EDARADD: variants seen among roughly 807,000 people sequenced by gnomAD.
EDARADD encodes ectodysplasin-A receptor-associated adapter protein.
In EDARADD, 20 loss-of-function variants were observed where a neutral mutation model predicts 25.6. The observed-to-expected ratio is 0.78, with a 90% CI of 0.55 to 1.14. EDARADD has a LOEUF of 1.14. Ranked by LOEUF, EDARADD falls within the 50% of genes most tolerant of loss-of-function variation. EDARADD has a pLI of 0.00. For missense variants in EDARADD, 225 were observed against 270.1 expected (o/e 0.83, Z 1.17); for synonymous variants, 86 against 94.4 (o/e 0.91, Z 0.52).
chr1:236,351,874 C>A (rs1204836929), intron 3 of EDARADD, among the ~76,000 whole-genome samples: 2 of 151,792 alleles, frequency 1.3e-5, no homozygotes, highest in Non-Finnish European at 2.9e-5. Context: ...AATCAAGGGG[C>A]TGAATATTCA....
chr1:236,429,029 G>C (rs187087613), intron 4 of EDARADD, among the ~76,000 whole-genome samples: 2 of 152,064 alleles, frequency 1.3e-5, no homozygotes, highest in South Asian at 2.1e-4. Flanking sequence ...CCAGGCACTC[G>C]GCAGGCTGAG....
intron 3 of EDARADD, among the ~76,000 whole-genome samples, chr1:236,386,933 C>G (rs1667362096): frequency 1.4e-5 from 1 of 71,820 alleles, no homozygotes; most frequent in Non-Finnish European, 3.1e-5. Flanking sequence ...GGGGGTCAGC[C>G]CCCCGCCCGG....
chr1:236,397,942 A>G (rs1194509897), intron 1 of EDARADD, among the ~76,000 whole-genome samples: 1 of 152,082 alleles, frequency 6.6e-6, no homozygotes, highest in Non-Finnish European at 1.5e-5. Flanking sequence ...GAAACCATAG[A>G]TGGTGCCCAT....
upstream of EDARADD, among the ~76,000 whole-genome samples, chr1:236,390,961 T>TATTATTATTATTA (rs3050726): frequency 3.3e-5 from 5 of 151,378 alleles, no homozygotes; most frequent in Admixed American, 6.6e-5. Context: ...TTATTATTAT[T>TATTATTATTATTA]TTTTGAGATG....
At chr1:236,437,418 C>T (rs929922251) in intron 4 of EDARADD, among the ~76,000 whole-genome samples, 5 of 151,966 alleles carry the variant, frequency 3.3e-5, no homozygotes, top group East Asian at 1.9e-4. Flanking sequence ...AAGAGTCTGA[C>T]GGTGGAATGA....
Position 236,395,484 on chromosome 1 carries a change from G to A in EDARADD, c.61+979G>A, listed in dbSNP as rs1267223059. On this transcript the variant is annotated intron_variant, in intron 1 of 5. Coordinates refer to ENST00000334232, the MANE Select transcript of EDARADD (RefSeq NM_145861.4). This position sits in a 1 kb window ranked among gnomAD's most constrained non-coding sequence, Gnocchi z 6.9. ...GAGAAGAAGAAGGGAGGGGAAGGCG[G>A]AGGAGGGCAGGGGCGCGCAGAGCCA... is the stretch of plus-strand genomic sequence containing the variant. 2.0e-6 allele frequency: 3 copies of A among 1,510,578 alleles called. No individual in the cohort carries two copies. Among genetic ancestry groups the A allele is most frequent in the East Asian group, 5.1e-5 (2 of 39,044 alleles). The allele number at this position is 1,510,578 out of a possible 1,614,324, so 93.6% of individuals were successfully genotyped here.
In EDARADD at chr1:236,409,363, A is replaced by T. The variant is rs952436537; in HGVS notation, c.120+89A>T. The T allele has an allele frequency of 1.7e-5, 18 of 1,053,670 alleles. No individual in the cohort carries two copies. In the African/African-American group the frequency reaches 2.4e-4, roughly 14 times the overall value. 65.3% of individuals were successfully genotyped at this position (1,053,670 alleles called of 1,614,324 possible). ...TTTACGTTTTTATTACTCAGTATTT[A>T]CATGTGCATCAGAAACCCCAAAGTA... On this transcript the variant is annotated intron_variant, in intron 2 of 5. Transcript: ENST00000334232.
chr1:236,462,275 A>G (rs1289912364), intron 4 of EDARADD, among the ~76,000 whole-genome samples: 2 of 151,892 alleles, frequency 1.3e-5, no homozygotes, highest in African/African-American at 4.8e-5. Flanking sequence ...TTTGGGGAAA[A>G]CGGGCCAGTT....
intron 4 of EDARADD, among the ~76,000 whole-genome samples, chr1:236,449,180 G>A (rs1163215066): frequency 1.3e-5 from 2 of 152,130 alleles, no homozygotes; most frequent in East Asian, 3.9e-4. Context: ...GTCTCCAAAT[G>A]TCCCGATTTT....
chr1:236,472,841 C>A (rs1293513745), intron 5 of EDARADD, among the ~76,000 whole-genome samples: 2 of 152,168 alleles, frequency 1.3e-5, no homozygotes, highest in African/African-American at 4.8e-5. Flanking sequence ...AGTCACACAT[C>A]TGCATGGGGT....
chr1:236,360,567 A>G (rs1401192734), intron 3 of EDARADD, among the ~76,000 whole-genome samples: 1 of 127,058 alleles, frequency 7.9e-6, no homozygotes, highest in African/African-American at 3.2e-5. Context: ...TTTTTTTGAG[A>G]CAGAGTCTTG....
chr1:236,367,501 T>C (rs1023405597), intron 3 of EDARADD, among the ~76,000 whole-genome samples: 66 of 152,228 alleles, frequency 4.3e-4, no homozygotes, highest in African/African-American at 1.6e-3. Context: ...AGTGCTGGGA[T>C]TACAGGCATG....
chr1:236,425,550 G>C (rs1198264529), intron 3 of EDARADD, among the ~76,000 whole-genome samples: 1 of 152,212 alleles, frequency 6.6e-6, no homozygotes, highest in Admixed American at 6.5e-5. Context: ...GCTGCCCCAA[G>C]TGGCCAGTGA....
At position 236,483,457 on chromosome 1, in the gene EDARADD, A is replaced by C; in HGVS notation, c.*808A>C. On this transcript the variant is annotated 3_prime_UTR_variant, in exon 6 of 6. Transcript: ENST00000334232. ...ATTGACAAACTTATGATAGAGATGG[A>C]TGGAACAGAAAATAAATCTAAATTT... 9.6e-7 allele frequency: 1 copy of C among 1,037,722 alleles called. No homozygotes were observed. Among genetic ancestry groups the C allele is most frequent in the Non-Finnish European group, 1.5e-6 (1 of 656,774 alleles). The allele number at this position is 1,037,722 out of a possible 1,614,324, so 64.3% of individuals were successfully genotyped here. A position where few individuals can be genotyped will look rare whatever the true frequency, so the allele number is the denominator to read the frequency against.
At chr1:236,468,733 G>A (rs1189627239) in intron 5 of EDARADD, among the ~76,000 whole-genome samples, 5 of 152,190 alleles carry the variant, frequency 3.3e-5, no homozygotes, top group Non-Finnish European at 1.5e-5. Flanking sequence ...AGGGAAAGCC[G>A]TATCTTACAA....
chr1:236,440,632 G>GA (rs1658373914), intron 4 of EDARADD, among the ~76,000 whole-genome samples: 1 of 150,678 alleles, frequency 6.6e-6, no homozygotes, highest in African/African-American at 2.4e-5. Context: ...AGCGACTCTT[G>GA]CTGCCATTTT....
chr1:236,426,706 A>G (rs905912949), intron 3 of EDARADD, among the ~76,000 whole-genome samples: 2 of 152,172 alleles, frequency 1.3e-5, no homozygotes, highest in African/African-American at 4.8e-5. Flanking sequence ...CCAGGAGTTC[A>G]AAACCAGCAT....
At chr1:236,393,320 A>ACTCTG (rs2102999447), upstream of EDARADD, among the ~76,000 whole-genome samples, 1 of 150,940 alleles carries the variant, frequency 6.6e-6, no homozygotes, top group East Asian at 2.0e-4. Flanking sequence ...TTTTCACATG[A>ACTCTG]CTCTGAGATT....
At chr1:236,355,845 C>T (rs958911280) in intron 3 of EDARADD, among the ~76,000 whole-genome samples, 3 of 152,010 alleles carry the variant, frequency 2.0e-5, no homozygotes, top group Non-Finnish European at 4.4e-5. Context: ...GCTGATTGCT[C>T]CTGTCTTCAT....
Sources: gnomAD v4.1 joint callset for allele counts (sites outside exome capture counted in the v4.1 genomes callset) on GRCh38, gnomAD v4.1.1 for gene constraint, Gnocchi (gnomAD v3.1) non-coding constraint, MANE v1.5 for transcripts, NCBI Gene and HGNC (gene_info 2026-07-23, HGNC 2026-07-21) for gene names.